The following DLGAP2 variants were observed in gnomAD, a reference collection of about 807,000 sequenced individuals.
DLGAP2 encodes disks large-associated protein 2.
In DLGAP2, 26 loss-of-function variants were observed where a neutral mutation model predicts 100.3. The ratio of observed to expected loss-of-function variants is 0.26; its 90% CI spans 0.19 to 0.36. The LOEUF (loss-of-function observed/expected upper bound fraction) is 0.36. DLGAP2 is among the 10% of genes least tolerant of loss of function. DLGAP2 has a pLI of 1.00. For missense variants in DLGAP2, 1,858 were observed against 1,453.2 expected, an observed-to-expected ratio of 1.28 and a Z score of -4.53; for synonymous variants, 886 against 630.1, an observed-to-expected ratio of 1.41 and a Z score of -6.08.
intron 2 of DLGAP2, among the ~76,000 whole-genome samples, chr8:1,156,461 C>G (rs1796789114): frequency 6.6e-6 from 1 of 152,180 alleles, no homozygotes; most frequent in African/African-American, 2.4e-5. Flanking sequence ...GCCACACGCT[C>G]ACGTCTCCAT....
intron 2 of DLGAP2, among the ~76,000 whole-genome samples, chr8:1,214,715 G>A (rs191198622): frequency 1.2e-3 from 185 of 152,304 alleles, no homozygotes; most frequent in African/African-American, 4.1e-3. Context: ...CTAGTTCTTC[G>A]CACAGACACA....
At chr8:951,443 G>C (rs1448760267) in intron 2 of DLGAP2, among the ~76,000 whole-genome samples, 4 of 152,168 alleles carry the variant, frequency 2.6e-5, no homozygotes, top group Non-Finnish European at 5.9e-5. Flanking sequence ...TAGAGATGGG[G>C]TTTTGCCATG....
chr8:1,376,858 A>G (rs1037360743), intron 3 of DLGAP2, among the ~76,000 whole-genome samples: 1 of 152,126 alleles, frequency 6.6e-6, no homozygotes, highest in Non-Finnish European at 1.5e-5. Context: ...GTGAAAGCGA[A>G]ATGTGCACGG....
chr8:1,319,556 A>C (rs542269873), intron 3 of DLGAP2, among the ~76,000 whole-genome samples: 1 of 152,178 alleles, frequency 6.6e-6, no homozygotes, highest in African/African-American at 2.4e-5. Context: ...AGTCACAATC[A>C]CTGATTTCAA....
At chr8:1,237,621 C>T (rs1367129467) in intron 2 of DLGAP2, among the ~76,000 whole-genome samples, 4 of 143,250 alleles carry the variant, frequency 2.8e-5, no homozygotes, top group East Asian at 4.4e-4. Flanking sequence ...CTAGTTACGT[C>T]TCACATGGTG....
intron 14 of DLGAP2, among the ~76,000 whole-genome samples, chr8:1,699,047 A>T (rs1483837620): frequency 6.6e-6 from 1 of 152,186 alleles, no homozygotes; most frequent in Non-Finnish European, 1.5e-5. Flanking sequence ...TTTGGATCTG[A>T]GGTGAAGGAG....
intron 3 of DLGAP2, among the ~76,000 whole-genome samples, chr8:1,440,955 CACGTAAGTCTACATGAAA>C (rs1797812577): frequency 6.6e-6 from 1 of 152,188 alleles, no homozygotes; most frequent in Non-Finnish European, 1.5e-5. Flanking sequence ...AATGCAAAAG[CACGTAAGTCTACATGAAA>C]CCCTCCCAGC....
chr8:1,506,574 T>G (rs73538592), intron 4 of DLGAP2, among the ~76,000 whole-genome samples: 1 of 152,010 alleles, frequency 6.6e-6, no homozygotes, highest in African/African-American at 2.4e-5. Flanking sequence ...AGCGTAAAAA[T>G]TAAGCATCCA....
At chr8:748,302 G>T (rs985836701) in intron 1 of DLGAP2, among the ~76,000 whole-genome samples, 1 of 148,730 alleles carries the variant, frequency 6.7e-6, no homozygotes, top group Admixed American at 6.7e-5. Flanking sequence ...TGGTGGCTCC[G>T]TGGGGGACTC....
intron 2 of DLGAP2, among the ~76,000 whole-genome samples, chr8:1,227,928 G>A (rs1798455157): frequency 1.3e-5 from 2 of 152,132 alleles, no homozygotes; most frequent in East Asian, 1.9e-4. Context: ...CACAAAATGG[G>A]TAACTATGTG....
At chr8:768,874 G>A (rs1039574482) in intron 1 of DLGAP2, among the ~76,000 whole-genome samples, 2 of 152,108 alleles carry the variant, frequency 1.3e-5, no homozygotes, top group Non-Finnish European at 2.9e-5. Flanking sequence ...CATGTGTCTG[G>A]GGTCAGGAGA....
intron 2 of DLGAP2, among the ~76,000 whole-genome samples, chr8:1,241,574 C>G (rs1267285852): frequency 6.6e-6 from 1 of 152,240 alleles, no homozygotes; most frequent in Non-Finnish European, 1.5e-5. Flanking sequence ...CCAGTTCTCT[C>G]CTGGGTGGAG....
At chr8:828,361 A>AT (rs1796720609) in intron 1 of DLGAP2, among the ~76,000 whole-genome samples, 1 of 152,188 alleles carries the variant, frequency 6.6e-6, no homozygotes, top group African/African-American at 2.4e-5. Flanking sequence ...CTAGGTGCAC[A>AT]TTCTCTTTCT....
At chr8:758,925 A>G (rs1029047329) in intron 1 of DLGAP2, among the ~76,000 whole-genome samples, 2 of 150,810 alleles carry the variant, frequency 1.3e-5, no homozygotes, top group African/African-American at 4.9e-5. Flanking sequence ...GAGAGTTCCT[A>G]TCTAACCACT....
At chr8:1,569,244 C>T (rs1039359639) in intron 6 of DLGAP2, among the ~76,000 whole-genome samples, 1 of 152,284 alleles carries the variant, frequency 6.6e-6, no homozygotes, top group African/African-American at 2.4e-5. Context: ...TGGGTCCATT[C>T]TTCCATTTAT....
intron 1 of DLGAP2, among the ~76,000 whole-genome samples, chr8:882,381 T>A (rs13249974): frequency 1.1e-5 from 1 of 94,978 alleles, no homozygotes; most frequent in East Asian, 2.6e-4. Context: ...CCTCGCCTGA[T>A]CCAGCGGTAC....
Position 1,548,535 on chromosome 8 carries a change from A to G in DLGAP2, c.173-91A>G, listed in dbSNP as rs1801629652. 1.0e-5 allele frequency: 12 copies of G among 1,171,964 alleles called. No individual in the cohort carries two copies. In the South Asian group the frequency reaches 2.1e-4, roughly 20 times the overall value. 72.6% of individuals were successfully genotyped at this position (1,171,964 alleles called of 1,614,324 possible). On this transcript the variant is annotated intron_variant, in intron 4 of 14. Transcript: ENST00000637795. ...CCAGGCCAGACATGGACACTGATTA[A>G]TGAAGTCCACGGTGGGGGTCACATA... is the stretch of plus-strand genomic sequence containing the variant.
intron 2 of DLGAP2, among the ~76,000 whole-genome samples, chr8:977,307 A>G (rs559428814): frequency 3.9e-5 from 6 of 152,324 alleles, no homozygotes; most frequent in African/African-American, 1.4e-4. Context: ...CTCCCTGAAG[A>G]GCACCTCCCA....
Position 1,299,512 on chromosome 8 carries a change from A to G in DLGAP2, c.106+40629A>G, listed in dbSNP as rs988471891. On this transcript the variant is annotated intron_variant, in intron 3 of 14. Coordinates refer to ENST00000637795, the MANE Select transcript of DLGAP2 (RefSeq NM_001346810.2). ...GGTTGCATGAGGTGAGCATAAACGCATAGGGAGGAACGGTCCATGCCAACT... is the reference window on the plus strand; with the variant it reads ...GGTTGCATGAGGTGAGCATAAACGCGTAGGGAGGAACGGTCCATGCCAACT... Among the ~76,000 whole-genome samples, 18 of 152,332 alleles carry G rather than the reference A, an allele frequency of 1.2e-4. No homozygotes were observed. In the South Asian group the frequency reaches 3.7e-3, roughly 32 times the overall value.
Sources: allele counts gnomAD v4.1 joint callset (sites outside exome capture counted in the v4.1 genomes callset), GRCh38; gene constraint gnomAD v4.1.1; transcripts MANE v1.5; gene names NCBI Gene and HGNC (gene_info 2026-07-23, HGNC 2026-07-21).